The following PUM2 variants were observed in gnomAD, a reference collection of about 807,000 sequenced individuals.
PUM2 encodes the protein pumilio RNA binding family member 2.
Under a neutral mutation model 124.5 loss-of-function variants are expected in PUM2, and 57 were observed. The ratio of observed to expected loss-of-function variants is 0.46; its 90% CI spans 0.37 to 0.57. The LOEUF (loss-of-function observed/expected upper bound fraction) is 0.57. Ranked by LOEUF, PUM2 falls within the 20% of genes least tolerant of loss-of-function variation. The pLI is 0.00. For synonymous variants in PUM2, 460 were observed against 446.1 expected (o/e 1.03, Z -0.39); for missense variants, 1,065 against 1,290.6 (o/e 0.83, Z 2.68).
chr2:20,327,512 A>G (rs1683961458), intron 1 of PUM2, 134 bp from the exon 2 acceptor site: 3 of 594,646 alleles, frequency 5.0e-6, no homozygotes, highest in Non-Finnish European at 8.6e-6. Flanking sequence ...TTCTGTAGGG[A>G]AGACAGGTTT....
intron 12 of PUM2, among the ~76,000 whole-genome samples, chr2:20,280,895 C>T (rs145073248): frequency 7.2e-5 from 11 of 152,164 alleles, no homozygotes; most frequent in Non-Finnish European, 1.5e-4. Context: ...TTATATGTTA[C>T]GATGTTTAGG....
intron 10 of PUM2, among the ~76,000 whole-genome samples, chr2:20,287,002 C>T (rs1315627029): frequency 2.0e-5 from 3 of 151,338 alleles, no homozygotes; most frequent in Admixed American, 6.6e-5. Context: ...GAAAAAAAAA[C>T]GACGTAGGGA....
At chr2:20,311,178 T>C (rs552380358) in intron 5 of PUM2, among the ~76,000 whole-genome samples, 1 of 152,050 alleles carries the variant, frequency 6.6e-6, no homozygotes, top group African/African-American at 2.4e-5. Context: ...AGAGTAAACC[T>C]ACAGTTCACT....
intron 7 of PUM2, among the ~76,000 whole-genome samples, chr2:20,298,371 A>G (rs935584532): frequency 6.6e-6 from 1 of 152,208 alleles, no homozygotes; most frequent in African/African-American, 2.4e-5. Flanking sequence ...GAAACAAGAA[A>G]GAGCTTAAAG....
intron 14 of PUM2, among the ~76,000 whole-genome samples, 199 bp from the exon 15 acceptor site, chr2:20,260,665 C>CA (rs1260466867): frequency 6.6e-6 from 1 of 151,964 alleles, no homozygotes; most frequent in African/African-American, 2.4e-5. Context: ...GATAGAGTGA[C>CA]AAAAAACCTG....
At chr2:20,307,708 T>C (rs13391140) in intron 7 of PUM2, among the ~76,000 whole-genome samples, 5,296 of 152,334 alleles carry the variant, frequency 0.035, 90 homozygotes, top group Middle Eastern at 0.068. Flanking sequence ...AATTTCCAAG[T>C]GTCTGACTTT....
At chr2:20,308,203 A>C in intron 6 of PUM2, 111 bp downstream of exon 6, 1 of 1,474,070 alleles carries the variant, frequency 6.8e-7, no homozygotes. Flanking sequence ...TTAATCAATA[A>C]AACATTTAGT....
intron 7 of PUM2, among the ~76,000 whole-genome samples, chr2:20,300,780 T>C (rs1340321352): frequency 7.3e-6 from 1 of 136,676 alleles, no homozygotes; most frequent in Non-Finnish European, 1.5e-5. Context: ...CTAGAAAGAT[T>C]GAAAGAGAAA....
At chr2:20,252,661 A>T (rs1447422187) in intron 20 of PUM2, among the ~76,000 whole-genome samples, 1 of 152,252 alleles carries the variant, frequency 6.6e-6, no homozygotes, top group Admixed American at 6.5e-5. Flanking sequence ...CTAATTTCTT[A>T]AAGAATTATT....
At chr2:20,258,582 TACTAATATGTTA>T (rs1345496491) in intron 15 of PUM2, among the ~76,000 whole-genome samples, 2 of 151,990 alleles carry the variant, frequency 1.3e-5, no homozygotes, top group Non-Finnish European at 2.9e-5. Context: ...ATTTCCTTGT[TACTAATATGTTA>T]ACTACCTTTT....
At chr2:20,306,604 CTTTTTT>C in intron 7 of PUM2, among the ~76,000 whole-genome samples, 1 of 126,450 alleles carries the variant, frequency 7.9e-6, no homozygotes, top group Non-Finnish European at 1.7e-5. Context: ...TAAATGTGGA[CTTTTTT>C]TTTTTTTTTT....
rs572674993 is a variant in PUM2 at position 20,296,265 on chromosome 2, G to A, written c.1009+1288C>T. 1.6e-3 allele frequency among the ~76,000 whole-genome samples: 251 copies of A among 152,308 alleles called. 2 individuals carry two copies. The highest frequency in any genetic ancestry group is 5.9e-3 in the African/African-American group (246 of 41,570). On this transcript the variant is annotated intron_variant, in intron 8 of 20. Transcript: ENST00000361078. Reference sequence around the variant, plus strand: ...AATCCCAGCACTTTGGGAGGCCGAGGCAGGCGGATCACAAGGTCAGGAGAT... The same window carrying A: ...AATCCCAGCACTTTGGGAGGCCGAGACAGGCGGATCACAAGGTCAGGAGAT...
chr2:20,274,039 G>A (rs1446164370), intron 13 of PUM2, among the ~76,000 whole-genome samples: 2 of 152,048 alleles, frequency 1.3e-5, no homozygotes, highest in Non-Finnish European at 2.9e-5. Flanking sequence ...ATGGAAAAAC[G>A]AAGAATAGTA....
intron 1 of PUM2, among the ~76,000 whole-genome samples, chr2:20,328,813 C>T (rs1045569799): frequency 2.2e-4 from 34 of 152,068 alleles, no homozygotes; most frequent in African/African-American, 7.7e-4. Context: ...CTTCAGTGAC[C>T]TATAAAATGT....
chr2:20,344,701 A>T (rs997545056), intron 1 of PUM2, among the ~76,000 whole-genome samples: 1 of 152,086 alleles, frequency 6.6e-6, no homozygotes, highest in Non-Finnish European at 1.5e-5. Flanking sequence ...AAGATTCCGC[A>T]GCTGGGCACA....
At position 20,326,126 on chromosome 2, in the gene PUM2, T is replaced by A. The variant is rs144715307; in HGVS notation, c.51+1184A>T. 645 of 695,812 alleles carry A rather than the reference T, an allele frequency of 9.3e-4. 2 individuals carry two copies. In the African/African-American group the frequency reaches 0.012, roughly 13 times the overall value. 43.1% of individuals were successfully genotyped at this position (695,812 alleles called of 1,614,324 possible). A position where few individuals can be genotyped will look rare whatever the true frequency, so the allele number is the denominator to read the frequency against. ...AATAATGCCTAACCAGATATTGCAC[T>A]GCAGTGAAGCTACAGATTTTGTTTA... On this transcript the variant is annotated intron_variant, in intron 2 of 20. Coordinates refer to ENST00000361078, the MANE Select transcript of PUM2 (RefSeq NM_015317.5).
intron 13 of PUM2, among the ~76,000 whole-genome samples, chr2:20,272,016 G>A (rs1271387504): frequency 6.6e-6 from 1 of 152,088 alleles, no homozygotes; most frequent in Non-Finnish European, 1.5e-5. Context: ...GAAATTAGCT[G>A]GGCGTGCTGG....
intron 13 of PUM2, among the ~76,000 whole-genome samples, chr2:20,269,096 C>G (rs1668409676): frequency 6.6e-6 from 1 of 152,132 alleles, no homozygotes; most frequent in East Asian, 1.9e-4. Flanking sequence ...CAGTCATACT[C>G]TGCTATGCTT....
chr2:20,262,665 A>T (rs1480233420), intron 14 of PUM2, among the ~76,000 whole-genome samples: 1 of 152,270 alleles, frequency 6.6e-6, no homozygotes, highest in Non-Finnish European at 1.5e-5. Context: ...TCTTAAATTT[A>T]TCAAATGTGT....
Sources: allele counts gnomAD v4.1 joint callset (sites outside exome capture counted in the v4.1 genomes callset), GRCh38; gene constraint gnomAD v4.1.1; transcripts MANE v1.5; gene names NCBI Gene and HGNC (gene_info 2026-07-23, HGNC 2026-07-21).